The following C16orf90 variants were observed in gnomAD, a reference collection of about 807,000 sequenced individuals.
C16orf90 encodes the protein uncharacterized protein C16orf90.
C16orf90 carries 17 observed loss-of-function variants against 17.1 expected under a neutral mutation model. That is an observed-to-expected ratio of 1.00 (90% CI 0.68 to 1.49). The LOEUF (loss-of-function observed/expected upper bound fraction) is 1.49. C16orf90 is among the 40% of genes most tolerant of loss of function. The pLI is 0.00. For synonymous variants in C16orf90, 108 were observed against 95.8 expected (o/e 1.13, Z -0.75); for missense variants, 255 against 235.5 (o/e 1.08, Z -0.54).
upstream of C16orf90, chr16:3,496,258 A>G (rs1267089212): frequency 1.4e-6 from 1 of 699,178 alleles, no homozygotes; most frequent in Non-Finnish European, 2.6e-6. Context: ...AGAGCCCAAG[A>G]GCCAGGATAT....
chr16:3,494,910 G>C, intron 1 of C16orf90, 33 bp from the exon 2 acceptor site: 1 of 1,423,322 alleles, frequency 7.0e-7, no homozygotes. Flanking sequence ...GTGGTGGCCA[G>C]CCCCCCACAG....
chr16:3,496,487 G>T (rs909715437), upstream of C16orf90: 1 of 723,142 alleles, frequency 1.4e-6, no homozygotes, highest in Non-Finnish European at 2.3e-6. Context: ...GGGTTCAGGA[G>T]GTGCCCAAAC....
rs1269892843 is a variant in C16orf90, at chr16:3,494,769, CT to C, written c.154del (p.Ser52AlafsTer209). The C allele has an allele frequency of 1.2e-6, 2 of 1,600,302 alleles. No individual in the cohort carries two copies. Among genetic ancestry groups the C allele is most frequent in the Non-Finnish European group, 1.7e-6 (2 of 1,174,152 alleles). On this transcript the variant is annotated frameshift_variant, in exon 2 of 3. Coordinates refer to ENST00000437192, the MANE Select transcript of C16orf90 (RefSeq NM_001080524.2). LOFTEE classifies it high-confidence loss of function. ...PQPQCPSAQG[S>X]KPKNFRLRHL... The stretch of plus-strand genomic sequence containing the variant: ...GCGCAGCCGGAAGTTCTTGGGCTTG[CT>C]TCCCTGGGCACTGGGGCACTGCGGC...
upstream of C16orf90, chr16:3,496,232 T>C: frequency 1.6e-6 from 1 of 619,490 alleles, no homozygotes; most frequent in Non-Finnish European, 3.1e-6. Flanking sequence ...AAGAAGGACC[T>C]AAAGGTTCGG....
intron 1 of C16orf90, 104 bp downstream of exon 1, chr16:3,495,272 C>T: frequency 7.3e-7 from 1 of 1,361,222 alleles, no homozygotes; most frequent in South Asian, 1.3e-5. Context: ...TGGCCATTCC[C>T]CTCTCCCAAG....
At chr16:3,495,265 C>T in intron 1 of C16orf90, 111 bp downstream of exon 1, 1 of 1,289,404 alleles carries the variant, frequency 7.8e-7, no homozygotes, top group Non-Finnish European at 1.1e-6. Context: ...GGCCCAGTGG[C>T]CATTCCCCTC....
chr16:3,496,632 G>A, upstream of C16orf90: 1 of 532,456 alleles, frequency 1.9e-6, no homozygotes. Context: ...TCCGGTCTTC[G>A]CAAGGGCCGA....
At position 3,495,414 on chromosome 16, in the gene C16orf90, G is replaced by A. The variant is rs1176402636; in HGVS notation, c.8C>T (p.Ala3Val). 1 of 1,610,580 alleles carries A rather than the reference G, an allele frequency of 6.2e-7. No individual in the cohort carries two copies. The highest frequency in any genetic ancestry group is 8.5e-7 in the Non-Finnish European group (1 of 1,178,404). The change falls in exon 1 of 3, where the codon GCC (alanine) becomes GTC (valine). Residue 3 changes from alanine (A) to valine (V), a missense_variant. Physicochemically the swap from Ala to Val is moderately conservative, Grantham distance 64 (BLOSUM62 0). Coordinates refer to ENST00000437192, the MANE Select transcript of C16orf90 (RefSeq NM_001080524.2). ...CAGCTCAGAAAATGCACAGACCAAG[G>A]CTTCCATGGAGGGCCAGTGTGGTGG... ME[A>V]LVCAFSELHI...
chr16:3,494,066 G>A, intron 2 of C16orf90, 79 bp from the exon 3 acceptor site: 2 of 1,283,970 alleles, frequency 1.6e-6, no homozygotes. Flanking sequence ...CCACCCTGGG[G>A]TTTCCAGAAT....
Position 3,494,566 on chromosome 16 carries a change from G to A in C16orf90, c.358C>T (p.Leu120Phe), listed in dbSNP as rs202070785. ...TCCCTGGGCAATCGGGCTTCCAGAA[G>A]GGCTGAACAGAGGCTGTTACGTGGG... ...LGPRNSLCSALLEARLPRDSL... is the reference protein window; with the variant it reads ...LGPRNSLCSAFLEARLPRDSL... Residue 120 changes from leucine (L) to phenylalanine (F), a missense_variant, in exon 2 of 3, where the codon CTT becomes TTT. Coordinates refer to ENST00000437192, the MANE Select transcript of C16orf90 (RefSeq NM_001080524.2). 4.3e-6 allele frequency: 7 copies of A among 1,612,898 alleles called. No homozygotes were observed. Among genetic ancestry groups the A allele is most frequent in the South Asian group, 1.1e-5 (1 of 91,078 alleles).
In C16orf90 at chr16:3,493,825, G is replaced by A; in HGVS notation, c.*14C>T. 1 of 1,590,832 alleles carries A rather than the reference G, an allele frequency of 6.3e-7. No individual in the cohort carries two copies. The highest frequency in any genetic ancestry group is 1.1e-5 in the South Asian group (1 of 87,792). On this transcript the variant is annotated 3_prime_UTR_variant, in exon 3 of 3. Coordinates refer to ENST00000437192, the MANE Select transcript of C16orf90 (RefSeq NM_001080524.2). The stretch of plus-strand genomic sequence containing the variant: ...TCCTGCCCCTCCTGTACCCAGTCCT[G>A]GCACTCGGGATCCCTATGGCCTCTC...
At position 3,495,289 on chromosome 16, in the gene C16orf90, T is replaced by A. The variant is rs1057114088; in HGVS notation, c.46+87A>T. 2.0e-6 allele frequency: 3 copies of A among 1,464,752 alleles called. No individual in the cohort carries two copies. In the African/African-American group the frequency reaches 4.2e-5, roughly 20 times the overall value. 90.7% of individuals were successfully genotyped at this position (1,464,752 alleles called of 1,614,324 possible). On this transcript the variant is annotated intron_variant, in intron 1 of 2. Coordinates refer to ENST00000437192, the MANE Select transcript of C16orf90 (RefSeq NM_001080524.2). ...GCCATTCCCCTCTCCCAAGCATACA[T>A]GTCCCTGAGGCCACCCCTCGGCTTT...
intron 1 of C16orf90, 50 bp from the exon 2 acceptor site, chr16:3,494,927 T>G: frequency 7.4e-7 from 1 of 1,353,448 alleles, no homozygotes; most frequent in Non-Finnish European, 9.9e-7. Context: ...ACAGCAGCCA[T>G]GAGGGGAGGG....
At chr16:3,496,227 G>A, upstream of C16orf90, 1 of 607,144 alleles carries the variant, frequency 1.6e-6, no homozygotes, top group Non-Finnish European at 3.2e-6. Flanking sequence ...GCCACAAGAA[G>A]GACCTAAAGG....
Position 3,494,652 on chromosome 16 carries a change from C to A in C16orf90, c.272G>T (p.Gly91Val), listed in dbSNP as rs763048320. The change falls in exon 2 of 3, where the codon GGC becomes GTC. Residue 91 changes from glycine to valine, a missense_variant. Transcript: ENST00000437192. ...SHWLGRLMAG[G>V]CLPQPEGTAW... ...TGTGCCCTCAGGCTGTGGCAGGCAG[C>A]CCCCAGCCATAAGCCGGCCCAGCCA... 9 of 1,611,140 alleles carry A rather than the reference C, an allele frequency of 5.6e-6. No individual in the cohort carries two copies. Among genetic ancestry groups the A allele is most frequent in the Non-Finnish European group, 6.8e-6 (8 of 1,179,576 alleles).
rs1458999514 is a variant in C16orf90 at position 3,495,357 on chromosome 16, C to T, written c.46+19G>A. On this transcript the variant is annotated intron_variant, in intron 1 of 2. Transcript: ENST00000437192. ...GAAGCCTATCTCTCTTCCTGCCACT[C>T]CTCCCCACAGCCCGGCACCTTCTCT... The T allele has an allele frequency of 2.5e-6, 4 of 1,599,112 alleles. No individual in the cohort carries two copies. Among genetic ancestry groups the T allele is most frequent in the Non-Finnish European group, 3.4e-6 (4 of 1,172,284 alleles).
Position 3,493,682 on chromosome 16 carries a change from C to T in C16orf90, c.*157G>A. 1 of 587,388 alleles carries T rather than the reference C, an allele frequency of 1.7e-6. No individual in the cohort carries two copies. Among genetic ancestry groups the T allele is most frequent in the Non-Finnish European group, 2.9e-6 (1 of 342,592 alleles). 36.4% of individuals were successfully genotyped at this position (587,388 alleles called of 1,614,324 possible). A position where few individuals can be genotyped will look rare whatever the true frequency, so the allele number is the denominator to read the frequency against. ...CTCGGAACCTCCTCCTCCTCCCTCT[C>T]CCCATCACATTCTCCCGAGGCCCAG... On this transcript the variant is annotated 3_prime_UTR_variant, in exon 3 of 3. Coordinates refer to ENST00000437192, the MANE Select transcript of C16orf90 (RefSeq NM_001080524.2).
Position 3,493,694 on chromosome 16 carries a change from C to G in C16orf90, c.*145G>C, listed in dbSNP as rs1366990742. On this transcript the variant is annotated 3_prime_UTR_variant, in exon 3 of 3. Transcript: ENST00000437192. ...TCCTCCTCCCTCTCCCCATCACATT[C>G]TCCCGAGGCCCAGGCCTGGGCGCTG... 4.7e-6 allele frequency: 3 copies of G among 639,602 alleles called. No individual in the cohort carries two copies. The African/African-American group carries it at 5.5e-5, about 12-fold the overall frequency. The allele number at this position is 639,602 out of a possible 1,614,324, so 39.6% of individuals were successfully genotyped here.
In C16orf90 at chr16:3,493,834, G is replaced by T; in HGVS notation, c.*5C>A. 1 of 1,596,128 alleles carries T rather than the reference G, an allele frequency of 6.3e-7. No individual in the cohort carries two copies. Among genetic ancestry groups the T allele is most frequent in the Non-Finnish European group, 8.5e-7 (1 of 1,172,008 alleles). On this transcript the variant is annotated 3_prime_UTR_variant, in exon 3 of 3. Transcript: ENST00000437192. ...TCCTGTACCCAGTCCTGGCACTCGG[G>T]ATCCCTATGGCCTCTCCAGGGCCCC...
Sources: gnomAD v4.1 joint callset for allele counts on GRCh38, gnomAD v4.1.1 for gene constraint, MANE v1.5 for transcripts, NCBI Gene and HGNC (gene_info 2026-07-23, HGNC 2026-07-21) for gene names.